The following PRKD3 variants were observed in gnomAD, a reference collection of about 807,000 sequenced individuals.
PRKD3 encodes the protein protein kinase D3, also known as serine/threonine-protein kinase D3.
In PRKD3, 47 loss-of-function variants were observed where a neutral mutation model predicts 99.2. The ratio of observed to expected loss-of-function variants is 0.47; its 90% CI spans 0.38 to 0.60. The LOEUF (loss-of-function observed/expected upper bound fraction) is 0.60. Among genes scored for constraint, PRKD3 ranks in the 20% least tolerant of loss-of-function variants. The pLI is 0.00. For synonymous variants in PRKD3, 392 were observed against 355.4 expected, an observed-to-expected ratio of 1.10 and a Z score of -1.16; for missense variants, 1,019 against 1,088.4, an observed-to-expected ratio of 0.94 and a Z score of 0.90.
At chr2:37,267,972 TAAA>T in intron 13 of PRKD3, 1 of 187,742 alleles carries the variant, frequency 5.3e-6, no homozygotes, top group East Asian at 1.7e-4. Context: ...AATCTAGATA[TAAA>T]AAATTTATAT....
intron 2 of PRKD3, among the ~76,000 whole-genome samples, chr2:37,295,878 A>G (rs1670652445): frequency 6.6e-6 from 1 of 152,244 alleles, no homozygotes; most frequent in East Asian, 1.9e-4. Context: ...AGGAACAGAA[A>G]GAGACCAGAG....
chr2:37,274,661 G>C lies in PRKD3; in HGVS notation c.1411C>G (p.Pro471Ala). 6.2e-7 allele frequency: 1 copy of C among 1,613,992 alleles called. No individual in the cohort carries two copies. Among genetic ancestry groups the C allele is most frequent in the Non-Finnish European group, 8.5e-7 (1 of 1,179,890 alleles). ...TGTGAAATGTTTGTGAAATCTCGTG[G>C]TGAAGATATGCGGAGAATTTCTGAA... Reference protein sequence around the residue: ...PLSEILRISSPRDFTNISQGS... With the variant: ...PLSEILRISSARDFTNISQGS... The change falls in exon 11 of 19, where the codon CCA becomes GCA. Residue 471 changes from proline (P) to alanine (A), a missense_variant. Around this residue, in one of 3 missense-constraint regions of PRKD3, gnomAD observed 710 missense variants for 692.7 expected, o/e 1.02. Coordinates refer to ENST00000234179, the MANE Select transcript of PRKD3 (RefSeq NM_005813.6).
intron 1 of PRKD3, among the ~76,000 whole-genome samples, chr2:37,321,229 A>G (rs759551645): frequency 2.6e-5 from 4 of 152,194 alleles, no homozygotes; most frequent in Non-Finnish European, 4.4e-5. Flanking sequence ...AGCATTTCTA[A>G]TATGTTTATT....
chr2:37,317,592 T>C (rs1374802469), intron 1 of PRKD3, among the ~76,000 whole-genome samples: 2 of 152,148 alleles, frequency 1.3e-5, no homozygotes, highest in Non-Finnish European at 2.9e-5. Context: ...TGTACAATAC[T>C]TTCCTAATAC....
At chr2:37,314,301 A>G (rs879820292) in intron 2 of PRKD3, among the ~76,000 whole-genome samples, 4 of 152,188 alleles carry the variant, frequency 2.6e-5, no homozygotes, top group South Asian at 2.1e-4. Flanking sequence ...TCAGTTTACT[A>G]TATCGATTTT....
At chr2:37,258,478 G>A (rs181354196) in intron 16 of PRKD3, among the ~76,000 whole-genome samples, 12 of 152,330 alleles carry the variant, frequency 7.9e-5, no homozygotes, top group East Asian at 1.9e-4. Context: ...CATAAAAAGC[G>A]TATCAAGTAA....
chr2:37,321,765 G>C (rs1201567284), intron 1 of PRKD3, among the ~76,000 whole-genome samples: 1 of 152,096 alleles, frequency 6.6e-6, no homozygotes. Flanking sequence ...AATTCCAGCT[G>C]GAATCTCAGG....
At chr2:37,282,731 T>C (rs936017134) in intron 6 of PRKD3, 112 bp from the exon 7 acceptor site, 14 of 760,658 alleles carry the variant, frequency 1.8e-5, no homozygotes, top group African/African-American at 1.6e-4. Context: ...AATGATGATA[T>C]TAAAATAATA....
chr2:37,270,364 A>AC (rs925134340), intron 12 of PRKD3, among the ~76,000 whole-genome samples: 17 of 151,672 alleles, frequency 1.1e-4, no homozygotes, highest in Middle Eastern at 3.2e-3. Flanking sequence ...AAAAAAAAAA[A>AC]AAAACTCAAA....
intron 6 of PRKD3, among the ~76,000 whole-genome samples, chr2:37,283,163 C>T (rs2148559131): frequency 6.6e-6 from 1 of 152,316 alleles, no homozygotes; most frequent in South Asian, 2.1e-4. Flanking sequence ...GTGTCAGGTA[C>T]AATCTGTCCA....
chr2:37,261,556 G>A (rs757811651), intron 14 of PRKD3, among the ~76,000 whole-genome samples: 106 of 145,386 alleles, frequency 7.3e-4, no homozygotes, highest in Middle Eastern at 3.6e-3. Context: ...CAAGGCAGGC[G>A]GATCACCTGA....
chr2:37,284,520 T>C (rs1669997631), intron 6 of PRKD3, among the ~76,000 whole-genome samples: 1 of 152,212 alleles, frequency 6.6e-6, no homozygotes, highest in Admixed American at 6.5e-5. Context: ...TTCATTAAGA[T>C]TATTTGTTGG....
Position 37,316,719 on chromosome 2 carries a change from T to A in PRKD3, c.-195A>T. 1.4e-6 allele frequency: 2 copies of A among 1,416,038 alleles called. No individual in the cohort carries two copies. Among genetic ancestry groups the A allele is most frequent in the Middle Eastern group, 2.6e-4 (1 of 3,810 alleles). The allele number at this position is 1,416,038 out of a possible 1,614,324, so 87.7% of individuals were successfully genotyped here. The stretch of plus-strand genomic sequence containing the variant: ...GAGTTGAATGCCCCAAAGGTCCTAT[T>A]TCTCTTAATATCAGTCCCATCAAAA... On this transcript the variant is annotated 5_prime_UTR_variant, in exon 2 of 19. Transcript: ENST00000234179.
At chr2:37,265,931 C>T (rs1428483991) in intron 14 of PRKD3, among the ~76,000 whole-genome samples, 1 of 152,138 alleles carries the variant, frequency 6.6e-6, no homozygotes. Context: ...TGTTTGTGAT[C>T]AAGAAGAAAT....
Position 37,274,632 on chromosome 2 carries a change from G to A in PRKD3, c.1440C>T (p.Gly480=), listed in dbSNP as rs1180019707. The A allele has an allele frequency of 6.2e-7, 1 of 1,613,908 alleles. No individual in the cohort carries two copies. The highest frequency in any genetic ancestry group is 8.5e-7 in the Non-Finnish European group (1 of 1,179,882). Residue 480 remains glycine (G), a synonymous_variant, in exon 11 of 19, where the codon GGC becomes GGT. Transcript: ENST00000234179. ...TGATTTCAAAACAGTGTGGATTGCT[G>A]CCTTGTGAAATGTTTGTGAAATCTC... ...SPRDFTNISQ[G]SNPHCFEIIT...
intron 5 of PRKD3, 44 bp downstream of exon 5, chr2:37,289,312 G>C (rs775191847): frequency 3.1e-6 from 5 of 1,592,546 alleles, no homozygotes; most frequent in Non-Finnish European, 4.3e-6. Context: ...TAGAAACACA[G>C]AGAATAACTA....
chr2:37,251,656 A>AGTT lies in PRKD3; in HGVS notation c.*1518_*1520dup, dbSNP rs1667507029. 6.6e-6 allele frequency: 1 copy of AGTT among 151,788 alleles called. No homozygotes were observed. Among genetic ancestry groups the AGTT allele is most frequent in the South Asian group, 2.1e-4 (1 of 4,808 alleles). 9.4% of individuals were successfully genotyped at this position (151,788 alleles called of 1,614,324 possible). A position where few individuals can be genotyped will look rare whatever the true frequency, so the allele number is the denominator to read the frequency against. ...TACCTCAAATTCGGTGGGCAACGAT[A>AGTT]GTTAACACTTTCCTAGTTTTTAGTT... On this transcript the variant is annotated 3_prime_UTR_variant, in exon 19 of 19. Transcript: ENST00000234179.
intron 1 of PRKD3, among the ~76,000 whole-genome samples, chr2:37,319,154 A>T (rs1671775763): frequency 6.6e-6 from 1 of 152,214 alleles, no homozygotes; most frequent in African/African-American, 2.4e-5. Flanking sequence ...AGGTTTAGAG[A>T]TTAAAGTACT....
At chr2:37,278,230 AAAAAATTAAAAAC>A in intron 8 of PRKD3, 1 of 238,538 alleles carries the variant, frequency 4.2e-6, no homozygotes, top group Non-Finnish European at 8.1e-6. Context: ...GCCACAAAAA[AAAAAATTAAAAAC>A]AATGAGCGGA....
Sources: allele counts gnomAD v4.1 joint callset (sites outside exome capture counted in the v4.1 genomes callset), GRCh38; gene constraint gnomAD v4.1.1; regional missense constraint gnomAD v4.1.1; transcripts MANE v1.5; gene names NCBI Gene and HGNC (gene_info 2026-07-23, HGNC 2026-07-21).